PRKCB: variants seen among roughly 807,000 people sequenced by gnomAD.
PRKCB encodes protein kinase C beta type.
Under a neutral mutation model 81.5 loss-of-function variants are expected in PRKCB, and 13 were observed. The observed-to-expected ratio is 0.16, with a 90% CI of 0.10 to 0.25. The LOEUF is 0.25. Ranked by LOEUF, PRKCB falls within the 10% of genes least tolerant of loss-of-function variation. PRKCB has a pLI of 1.00. For missense variants in PRKCB, 509 were observed against 875.7 expected, an observed-to-expected ratio of 0.58 and a Z score of 5.29; for synonymous variants, 335 against 321.4, an observed-to-expected ratio of 1.04 and a Z score of -0.45.
At chr16:24,112,854 ACCCT>A in intron 7 of PRKCB, 115 bp from the exon 8 acceptor site, 1 of 676,132 alleles carries the variant, frequency 1.5e-6, no homozygotes, top group Non-Finnish European at 2.5e-6. Context: ...AAACCAAAAA[ACCCT>A]CAACGTATAT....
intron 2 of PRKCB, among the ~76,000 whole-genome samples, chr16:23,954,114 A>G (rs761618078): frequency 7.9e-5 from 12 of 152,188 alleles, no homozygotes; most frequent in Admixed American, 2.0e-4. Flanking sequence ...TTACATATGT[A>G]TACATGTGCC....
intron 2 of PRKCB, among the ~76,000 whole-genome samples, chr16:23,863,225 T>C (rs1051041629): frequency 1.4e-5 from 1 of 72,638 alleles, no homozygotes; most frequent in Non-Finnish European, 3.0e-5. Context: ...CATACATATA[T>C]ATGTGTATAT....
intron 2 of PRKCB, among the ~76,000 whole-genome samples, chr16:23,897,202 G>A (rs1329249708): frequency 6.6e-6 from 1 of 152,216 alleles, no homozygotes; most frequent in Non-Finnish European, 1.5e-5. Context: ...GCATGGGGAA[G>A]GCACACGTGC....
chr16:23,918,345 T>G (rs987517253), intron 2 of PRKCB, among the ~76,000 whole-genome samples: 1 of 152,180 alleles, frequency 6.6e-6, no homozygotes, highest in Non-Finnish European at 1.5e-5. Context: ...ATGATTAAGT[T>G]TCCATTATTA....
At chr16:24,143,085 T>G (rs1046147791) in intron 9 of PRKCB, among the ~76,000 whole-genome samples, 1 of 152,178 alleles carries the variant, frequency 6.6e-6, no homozygotes, top group Admixed American at 6.5e-5. Flanking sequence ...TTGAGGACCC[T>G]GTGAGCCCTA....
In PRKCB at chr16:24,219,423, A is replaced by G. The variant is rs1185057336; in HGVS notation, c.*4607A>G. The G allele has an allele frequency of 4.1e-6, 4 of 985,628 alleles. No homozygotes were observed. The East Asian group carries it at 4.5e-4, about 112-fold the overall frequency. 61.1% of individuals were successfully genotyped at this position (985,628 alleles called of 1,614,324 possible). A position where few individuals can be genotyped will look rare whatever the true frequency, so the allele number is the denominator to read the frequency against. ...TGGATTTTCGAGCTGACGGTGGTCAATTCCTTTCATTAAGCAGTGATCTGA... is the reference window on the plus strand; with the variant it reads ...TGGATTTTCGAGCTGACGGTGGTCAGTTCCTTTCATTAAGCAGTGATCTGA... On this transcript the variant is annotated 3_prime_UTR_variant, in exon 17 of 17. Coordinates refer to ENST00000643927, the MANE Select transcript of PRKCB (RefSeq NM_002738.7).
chr16:24,156,031 T>C (rs556716462), intron 10 of PRKCB, among the ~76,000 whole-genome samples: 1 of 152,320 alleles, frequency 6.6e-6, no homozygotes, highest in South Asian at 2.1e-4. Context: ...CAGCGACTGA[T>C]GGTTGGTGCC....
intron 5 of PRKCB, among the ~76,000 whole-genome samples, chr16:24,036,866 T>A (rs1965628670): frequency 6.6e-6 from 1 of 152,148 alleles, no homozygotes; most frequent in East Asian, 1.9e-4. Flanking sequence ...CTGGTGTCAT[T>A]CTGTGGGAAA....
chr16:24,212,978 T>C (rs1014312917), intron 16 of PRKCB, among the ~76,000 whole-genome samples: 17 of 152,052 alleles, frequency 1.1e-4, no homozygotes, highest in Non-Finnish European at 2.1e-4. Flanking sequence ...CATTAGTTAG[T>C]CAGCCACCAG....
chr16:23,995,955 G>A (rs760147694), intron 3 of PRKCB, among the ~76,000 whole-genome samples: 3 of 152,154 alleles, frequency 2.0e-5, no homozygotes, highest in Non-Finnish European at 4.4e-5. Context: ...AATAGTGAAG[G>A]GAAATCTTCT....
intron 3 of PRKCB, among the ~76,000 whole-genome samples, chr16:24,028,804 GT>G (rs76940673): frequency 8.7e-5 from 13 of 149,028 alleles, no homozygotes; most frequent in African/African-American, 1.5e-4. Flanking sequence ...TATGGTTGTT[GT>G]TTTTTTTTTT....
chr16:23,847,047 C>G (rs1187892583), intron 2 of PRKCB, among the ~76,000 whole-genome samples: 1 of 152,032 alleles, frequency 6.6e-6, no homozygotes, highest in Non-Finnish European at 1.5e-5. Flanking sequence ...CTGATCCACT[C>G]CTATGGGTCT....
chr16:23,970,876 C>T (rs555203726), intron 2 of PRKCB, among the ~76,000 whole-genome samples: 66 of 152,240 alleles, frequency 4.3e-4, no homozygotes, highest in Non-Finnish European at 7.9e-4. Context: ...GAGGTGAATG[C>T]TGGAGCTGGA....
In PRKCB at chr16:24,219,310, G is replaced by A. The variant is rs924344205; in HGVS notation, c.*4494G>A. ...TTACACACCCTCCTTTAAGCTTTGG[G>A]TTTTCTCTCTTATAGTTTGTTGACA... On this transcript the variant is annotated 3_prime_UTR_variant, in exon 17 of 17. Coordinates refer to ENST00000643927, the MANE Select transcript of PRKCB (RefSeq NM_002738.7). 1.0e-6 allele frequency: 1 copy of A among 971,100 alleles called. No homozygotes were observed. The highest frequency in any genetic ancestry group is 2.0e-5 in the African/African-American group (1 of 51,108). The allele number at this position is 971,100 out of a possible 1,614,324, so 60.2% of individuals were successfully genotyped here.
At chr16:23,877,086 GACT>G (rs961118736) in intron 2 of PRKCB, among the ~76,000 whole-genome samples, 6 of 152,072 alleles carry the variant, frequency 3.9e-5, no homozygotes, top group African/African-American at 1.4e-4. Flanking sequence ...AGGAAGCAGG[GACT>G]AATGACTGTT....
Position 24,191,137 on chromosome 16 carries a change from C to A in PRKCB, c.1770C>A (p.Gly590=), listed in dbSNP as rs3729904. ...PGKRLGCGPE[G]ERDIKEHAFF... ...AACGTCTGGGTTGTGGACCTGAAGG[C>A]GAACGTGATATCAAAGAGCATGCAT... The change falls in exon 16 of 17, where the codon GGC becomes GGA. Residue 590 remains glycine (G), a synonymous_variant. Transcript: ENST00000643927. The A allele has an allele frequency of 6.2e-7, 1 of 1,613,710 alleles. No individual in the cohort carries two copies. Among genetic ancestry groups the A allele is most frequent in the East Asian group, 2.2e-5 (1 of 44,868 alleles).
chr16:23,979,365 G>T (rs7204885), intron 2 of PRKCB, among the ~76,000 whole-genome samples: 3,511 of 152,180 alleles, frequency 0.023, 139 homozygotes, highest in African/African-American at 0.078. Context: ...CCTGGTGCTG[G>T]GCATTCACAC....
At chr16:23,889,703 T>C (rs981425375) in intron 2 of PRKCB, among the ~76,000 whole-genome samples, 1 of 152,236 alleles carries the variant, frequency 6.6e-6, no homozygotes, top group Non-Finnish European at 1.5e-5. Context: ...TTATGGCTGC[T>C]CTATCAACTT....
chr16:24,168,541 C>CTTTTTTTTTTTTTTTTTTTTTTTTTTTT lies in PRKCB; in HGVS notation c.1240-3727_1240-3700dup, dbSNP rs56671761. ...TTCATTATTTTTCTTTCTTCTTCTA[C>CTTTTTTTTTTTTTTTTTTTTTTTTTTTT]TTTTTTTTTTTTTTTTTTTTTTTTT... is the stretch of plus-strand genomic sequence containing the variant. On this transcript the variant is annotated intron_variant, in intron 10 of 16. Transcript: ENST00000643927. Among the ~76,000 whole-genome samples, 12 of 76,392 alleles carry CTTTTTTTTTTTTTTTTTTTTTTTTTTTT rather than the reference C, an allele frequency of 1.6e-4. 2 individuals are homozygous for CTTTTTTTTTTTTTTTTTTTTTTTTTTTT. Among genetic ancestry groups the CTTTTTTTTTTTTTTTTTTTTTTTTTTTT allele is most frequent in the Non-Finnish European group, 3.0e-4 (10 of 33,872 alleles). The allele number at this position is 76,392 out of a possible 152,430, so 50.1% of individuals were successfully genotyped here. A position where few individuals can be genotyped will look rare whatever the true frequency, so the allele number is the denominator to read the frequency against.
Sources: gnomAD v4.1 joint callset for allele counts (sites outside exome capture counted in the v4.1 genomes callset) on GRCh38, gnomAD v4.1.1 for gene constraint, MANE v1.5 for transcripts, NCBI Gene and HGNC (gene_info 2026-07-23, HGNC 2026-07-21) for gene names.